Variants in SOX5 observed in about 807,000 individuals in gnomAD.
SOX5 encodes SRY-box transcription factor 5, also known as transcription factor SOX-5.
In SOX5, 9 loss-of-function variants were observed where a neutral mutation model predicts 92.0. The observed-to-expected ratio is 0.10, with a 90% CI of 0.06 to 0.17. SOX5 has a LOEUF of 0.17. Ranked by LOEUF, SOX5 falls within the 10% of genes least tolerant of loss-of-function variation. The probability of loss-of-function intolerance (pLI) is 1.00; values close to 1 mark genes in which losing one functional copy is unlikely to be tolerated. For synonymous variants in SOX5, 344 were observed against 336.3 expected, an observed-to-expected ratio of 1.02 and a Z score of -0.25; for missense variants, 642 against 944.5, an observed-to-expected ratio of 0.68 and a Z score of 4.20.
chr12:24,220,993 T>C (rs555162792), intron 3 of SOX5, among the ~76,000 whole-genome samples: 3 of 152,310 alleles, frequency 2.0e-5, no homozygotes, highest in South Asian at 4.1e-4. Flanking sequence ...GAAGTGCCCA[T>C]GGTTAACTCC....
intron 1 of SOX5, among the ~76,000 whole-genome samples, chr12:23,939,300 C>T (rs1264862385): frequency 6.6e-6 from 1 of 150,992 alleles, no homozygotes; most frequent in Non-Finnish European, 1.5e-5. Context: ...TCTGCTTTAA[C>T]AGTAGGATAT....
intron 6 of SOX5, among the ~76,000 whole-genome samples, chr12:23,699,661 C>A (rs2090356933): frequency 6.6e-6 from 1 of 151,992 alleles, no homozygotes; most frequent in African/African-American, 2.4e-5. Flanking sequence ...ATTTTTTATG[C>A]ACTGCTCCTT....
Position 24,065,645 on chromosome 12 carries a change from C to CA in SOX5, c.-2+147697dup, listed in dbSNP as rs71445983. On this transcript the variant is annotated intron_variant, in intron 4 of 4. Coordinates refer to the SOX5 transcript ENST00000446891. ...CTGGCGACAGAGCGAGACTCCATCT[C>CA]AAAAAAAAAAAAAAAAAAAAAGAAA... Among the ~76,000 whole-genome samples the CA allele has an allele frequency of 9.7e-3, 791 of 81,416 alleles. 19 individuals are homozygous for CA. The East Asian group carries it at 0.12, about 12-fold the overall frequency. 53.4% of individuals were successfully genotyped at this position (81,416 alleles called of 152,430 possible).
intron 6 of SOX5, among the ~76,000 whole-genome samples, chr12:23,709,797 T>C (rs1363740631): frequency 6.6e-6 from 1 of 152,208 alleles, no homozygotes; most frequent in Admixed American, 6.5e-5. Flanking sequence ...TGTTAAATCA[T>C]ACTAGTATCA....
intron 1 of SOX5, among the ~76,000 whole-genome samples, chr12:23,944,639 C>A (rs943903715): frequency 6.6e-6 from 1 of 152,052 alleles, no homozygotes. Flanking sequence ...ATCACTTGAT[C>A]CTGTTTATCT....
At chr12:24,272,773 C>T (rs531371036) in intron 3 of SOX5, among the ~76,000 whole-genome samples, 1 of 152,174 alleles carries the variant, frequency 6.6e-6, no homozygotes, top group South Asian at 2.1e-4. Flanking sequence ...ATTTGAATTG[C>T]TAATATTCTG....
At chr12:23,665,681 A>G (rs920032669) in intron 6 of SOX5, 117 bp from the exon 7 acceptor site, 2 of 1,222,310 alleles carry the variant, frequency 1.6e-6, no homozygotes, top group Non-Finnish European at 2.3e-6. Context: ...AGACTGGCAT[A>G]GAAGCTTGCT....
intron 4 of SOX5, among the ~76,000 whole-genome samples, chr12:23,970,064 C>A (rs570617315): frequency 2.0e-5 from 3 of 152,268 alleles, no homozygotes; most frequent in African/African-American, 7.2e-5. Flanking sequence ...GTACACCCTA[C>A]TGACATATAA....
At chr12:23,794,928 T>A (rs1006661652) in intron 3 of SOX5, among the ~76,000 whole-genome samples, 2 of 47,600 alleles carry the variant, frequency 4.2e-5, no homozygotes, top group African/African-American at 1.4e-4. Context: ...TAGATTAGAA[T>A]TTTTTTTAAC....
chr12:23,883,653 T>C (rs565146204), intron 2 of SOX5, among the ~76,000 whole-genome samples: 1 of 152,106 alleles, frequency 6.6e-6, no homozygotes, highest in Non-Finnish European at 1.5e-5. Context: ...ATCACACACA[T>C]TGCATGATTT....
At chr12:23,762,373 C>A in intron 3 of SOX5, 1 of 361,132 alleles carries the variant, frequency 2.8e-6, no homozygotes, top group African/African-American at 2.1e-5. Flanking sequence ...ATAGCCACCA[C>A]ACTCCTGCCT....
intron 11 of SOX5, among the ~76,000 whole-genome samples, chr12:23,550,140 TAA>T (rs1404611839): frequency 6.6e-6 from 1 of 151,974 alleles, no homozygotes; most frequent in Non-Finnish European, 1.5e-5. Flanking sequence ...AAGAAATAGC[TAA>T]AGAGATATGG....
At chr12:24,420,901 C>G (rs1289985113) in intron 1 of SOX5, among the ~76,000 whole-genome samples, 1 of 152,136 alleles carries the variant, frequency 6.6e-6, no homozygotes, top group African/African-American at 2.4e-5. Flanking sequence ...GACAGAGGAA[C>G]ATGCTAAACC....
intron 3 of SOX5, among the ~76,000 whole-genome samples, chr12:24,263,868 C>A (rs976334933): frequency 5.3e-5 from 8 of 152,148 alleles, no homozygotes; most frequent in African/African-American, 1.9e-4. Context: ...TTCCTGCACA[C>A]TTGTACTTTC....
chr12:23,797,921 C>T (rs2095594092), intron 3 of SOX5, among the ~76,000 whole-genome samples: 1 of 148,522 alleles, frequency 6.7e-6, no homozygotes, highest in Non-Finnish European at 1.5e-5. Flanking sequence ...CTGTCAGGTC[C>T]TTTGTTTTTT....
At chr12:24,106,401 T>C (rs1946673379) in intron 4 of SOX5, among the ~76,000 whole-genome samples, 1 of 152,272 alleles carries the variant, frequency 6.6e-6, no homozygotes, top group East Asian at 1.9e-4. Context: ...AAACTATACA[T>C]GACATCTAGA....
intron 3 of SOX5, among the ~76,000 whole-genome samples, chr12:24,236,924 G>A (rs1236289188): frequency 6.6e-6 from 1 of 151,002 alleles, no homozygotes; most frequent in Non-Finnish European, 1.5e-5. Flanking sequence ...AAAAAAAAAT[G>A]TAGATCTGGA....
intron 1 of SOX5, among the ~76,000 whole-genome samples, chr12:23,929,129 A>C (rs1940796160): frequency 6.6e-6 from 1 of 151,962 alleles, no homozygotes; most frequent in Non-Finnish European, 1.5e-5. Flanking sequence ...GAACAATCAG[A>C]AGAGATTTTG....
intron 4 of SOX5, among the ~76,000 whole-genome samples, chr12:24,065,583 G>A (rs1043940596): frequency 6.8e-6 from 1 of 146,786 alleles, no homozygotes; most frequent in African/African-American, 2.5e-5. Flanking sequence ...GGAGGCAGAG[G>A]TTGCAGTGAG....
Sources: gnomAD v4.1 joint callset for allele counts (sites outside exome capture counted in the v4.1 genomes callset) on GRCh38, gnomAD v4.1.1 for gene constraint, MANE v1.5 for transcripts, NCBI Gene and HGNC (gene_info 2026-07-23, HGNC 2026-07-21) for gene names.